NSD1: variants seen among roughly 807,000 people sequenced by gnomAD.
NSD1 encodes histone-lysine N-methyltransferase, H3 lysine-36 specific.
Under a neutral mutation model 242.7 loss-of-function variants are expected in NSD1, and 26 were observed. The ratio of observed to expected loss-of-function variants is 0.11; its 90% CI spans 0.08 to 0.15. The LOEUF (loss-of-function observed/expected upper bound fraction) is 0.15. NSD1 is among the 10% of genes least tolerant of loss of function. The pLI is 1.00. For synonymous variants in NSD1, 1,106 were observed against 1,178.1 expected (o/e 0.94, Z 1.25); for missense variants, 2,495 against 3,272.8 (o/e 0.76, Z 5.80).
At chr5:177,240,476 G>A (rs1765767868) in intron 8 of NSD1, among the ~76,000 whole-genome samples, 2 of 152,150 alleles carry the variant, frequency 1.3e-5, no homozygotes, top group Admixed American at 6.5e-5. Context: ...CATTTTGGGA[G>A]GCTGAGGCGG....
chr5:177,136,212 A>C, intron 2 of NSD1, 182 bp downstream of exon 2: 1 of 588,726 alleles, frequency 1.7e-6, no homozygotes, highest in South Asian at 2.0e-5. Context: ...TGTTGTATGA[A>C]TTTGGTTGTT....
chr5:177,234,130 A>T (rs1035142820), intron 5 of NSD1, among the ~76,000 whole-genome samples: 3 of 152,220 alleles, frequency 2.0e-5, no homozygotes, highest in Admixed American at 1.3e-4. Context: ...AGTGAGAAAA[A>T]TGTGTAACAT....
intron 17 of NSD1, among the ~76,000 whole-genome samples, 190 bp from the exon 18 acceptor site, chr5:177,280,375 A>G (rs1758778331): frequency 1.3e-5 from 2 of 152,166 alleles, no homozygotes; most frequent in Non-Finnish European, 2.9e-5. Flanking sequence ...CCTGGGTTCA[A>G]GCAATTCTTG....
At chr5:177,143,861 T>C (rs1230144789) in intron 2 of NSD1, among the ~76,000 whole-genome samples, 1 of 149,528 alleles carries the variant, frequency 6.7e-6, no homozygotes, top group Admixed American at 6.8e-5. Flanking sequence ...CTTGGCTCAC[T>C]GCAACCTCCA....
chr5:177,272,173 A>ATC (rs1758000615), intron 16 of NSD1, among the ~76,000 whole-genome samples: 1 of 150,910 alleles, frequency 6.6e-6, no homozygotes, highest in South Asian at 2.1e-4. Context: ...AGAAAGAAAG[A>ATC]ATGAGACTAA....
At chr5:177,141,016 TTTTG>T (rs1348383833) in intron 2 of NSD1, among the ~76,000 whole-genome samples, 16 of 152,088 alleles carry the variant, frequency 1.1e-4, no homozygotes, top group African/African-American at 2.6e-4. Context: ...GGGTGACCTT[TTTTG>T]TTTGTTTTTG....
rs757982487 is a variant in NSD1 at position 177,239,879 on chromosome 5, G to A, written c.4302+14G>A. 6.0e-6 allele frequency: 9 copies of A among 1,488,246 alleles called. No homozygotes were observed. The highest frequency in any genetic ancestry group is 8.4e-6 in the Non-Finnish European group (9 of 1,067,112). 92.2% of individuals were successfully genotyped at this position (1,488,246 alleles called of 1,614,324 possible). ...CTTTCTAAAAAGGTATGTTATTTTT[G>A]TAAGTTCTAAAAGAAATAAACTCAG... is the stretch of plus-strand genomic sequence containing the variant. On this transcript the variant is annotated intron_variant, in intron 8 of 22. Transcript: ENST00000439151.
intron 2 of NSD1, among the ~76,000 whole-genome samples, chr5:177,148,335 C>T (rs1757424551): frequency 6.6e-6 from 1 of 152,096 alleles, no homozygotes; most frequent in African/African-American, 2.4e-5. Flanking sequence ...CCAGGCTGGT[C>T]CCAAACTCTT....
At chr5:177,292,184 G>A (rs370761713) in intron 22 of NSD1, 26 bp downstream of exon 22, 79 of 1,607,750 alleles carry the variant, frequency 4.9e-5, no homozygotes, top group African/African-American at 8.0e-5. Context: ...CATTTGTACC[G>A]CTACTCGTTC....
At chr5:177,170,086 C>T (rs1033220017) in intron 2 of NSD1, among the ~76,000 whole-genome samples, 1 of 151,854 alleles carries the variant, frequency 6.6e-6, no homozygotes, top group East Asian at 1.9e-4. Context: ...TCTCCTGCCT[C>T]AGCCTCCCGA....
chr5:177,273,795 A>G lies in NSD1; in HGVS notation c.5622+11A>G. On this transcript the variant is annotated intron_variant, in intron 17 of 22. Coordinates refer to ENST00000439151, the MANE Select transcript of NSD1 (RefSeq NM_022455.5). ...TATAAACATATAAAGGTGAGGAGAA[A>G]ATCTTGGGGGACCTTCTCTAGAAGA... 1.3e-6 allele frequency: 2 copies of G among 1,558,220 alleles called. No individual in the cohort carries two copies. The highest frequency in any genetic ancestry group is 1.8e-6 in the Non-Finnish European group (2 of 1,129,482).
intron 4 of NSD1, among the ~76,000 whole-genome samples, chr5:177,208,158 C>G (rs1763046817): frequency 6.6e-6 from 1 of 152,026 alleles, no homozygotes; most frequent in African/African-American, 2.4e-5. Flanking sequence ...TTGACTAATA[C>G]CTATTGTATG....
chr5:177,180,824 A>G (rs1760603236), intron 2 of NSD1, among the ~76,000 whole-genome samples: 1 of 151,500 alleles, frequency 6.6e-6, no homozygotes, highest in African/African-American at 2.4e-5. Flanking sequence ...CTGGGATTAC[A>G]GGCGCATGCC....
chr5:177,170,755 C>T (rs1026978667), intron 2 of NSD1, among the ~76,000 whole-genome samples: 1 of 152,098 alleles, frequency 6.6e-6, no homozygotes, highest in Non-Finnish European at 1.5e-5. Flanking sequence ...GTTATATAAT[C>T]ATTTTCTATA....
At chr5:177,198,277 T>C (rs1212394861) in intron 3 of NSD1, among the ~76,000 whole-genome samples, 1 of 152,174 alleles carries the variant, frequency 6.6e-6, no homozygotes, top group African/African-American at 2.4e-5. Flanking sequence ...CCTCCCGCCT[T>C]GGCCTCCCAA....
At chr5:177,146,042 C>T (rs1426387166) in intron 2 of NSD1, among the ~76,000 whole-genome samples, 2 of 150,800 alleles carry the variant, frequency 1.3e-5, no homozygotes, top group Non-Finnish European at 2.9e-5. Flanking sequence ...TGAACACTGA[C>T]TGTGCCACTG....
intron 9 of NSD1, among the ~76,000 whole-genome samples, chr5:177,245,622 G>T (rs1298262144): frequency 6.6e-6 from 1 of 150,628 alleles, no homozygotes; most frequent in East Asian, 1.9e-4. Context: ...GGGACTAGAA[G>T]AATTTCTTTC....
At chr5:177,198,812 C>G (rs1372024337) in intron 3 of NSD1, among the ~76,000 whole-genome samples, 1 of 152,270 alleles carries the variant, frequency 6.6e-6, no homozygotes, top group East Asian at 1.9e-4. Flanking sequence ...TTTGTATACT[C>G]AACTCCATAC....
chr5:177,150,498 A>G (rs1013258454), intron 2 of NSD1, among the ~76,000 whole-genome samples: 2 of 147,492 alleles, frequency 1.4e-5, no homozygotes, highest in Non-Finnish European at 3.1e-5. Context: ...AAAATCATAC[A>G]TACTTGTGAT....
Sources: gnomAD v4.1 joint callset for allele counts (sites outside exome capture counted in the v4.1 genomes callset) on GRCh38, gnomAD v4.1.1 for gene constraint, MANE v1.5 for transcripts, NCBI Gene and HGNC (gene_info 2026-07-23, HGNC 2026-07-21) for gene names.